MASTL: variants seen among roughly 807,000 people sequenced by gnomAD.
MASTL encodes the protein microtubule associated serine/threonine kinase like, also known as serine/threonine-protein kinase greatwall.
Under a neutral mutation model 82.5 loss-of-function variants are expected in MASTL, and 54 were observed. That is an observed-to-expected ratio of 0.65 (90% confidence interval 0.53 to 0.82). The LOEUF (loss-of-function observed/expected upper bound fraction) is 0.82. MASTL is among the 40% of genes least tolerant of loss of function. The pLI is 0.00. For synonymous variants in MASTL, 323 were observed against 368.9 expected (o/e 0.88, Z 1.43); for missense variants, 950 against 1,047.8 (o/e 0.91, Z 1.29).
chr10:27,187,673 A>T lies in MASTL; in HGVS notation c.*1137A>T, dbSNP rs1157371180. Among the ~76,000 whole-genome samples the T allele has an allele frequency of 1.3e-5, 2 of 151,370 alleles. No individual in the cohort carries two copies. The highest frequency in any genetic ancestry group is 2.9e-5 in the Non-Finnish European group (2 of 67,890). ...AGGCTGAGGCATGAGAATCGCTTGA[A>T]CCCAGGAGGTGGAGATTGCAGTGAG... is the stretch of plus-strand genomic sequence containing the variant. On this transcript the variant is annotated 3_prime_UTR_variant, in exon 12 of 12. Coordinates refer to ENST00000375940, the MANE Select transcript of MASTL (RefSeq NM_001172303.3).
chr10:27,170,833 AC>A lies in MASTL; in HGVS notation c.1877del (p.Pro626LeufsTer11). 1 of 1,614,166 alleles carries A rather than the reference AC, an allele frequency of 6.2e-7. No individual in the cohort carries two copies. Among genetic ancestry groups the A allele is most frequent in the Non-Finnish European group, 8.5e-7 (1 of 1,180,016 alleles). The stretch of plus-strand genomic sequence containing the variant: ...AAGACCTCACCAAAAGGTGTCGAGA[AC>A]CCTGCTGTACAAGAGAGTAACCAAA... The part of the protein sequence containing the change: ...QEKTSPKGVE[N>X]PAVQESNQKM... On this transcript the variant is annotated frameshift_variant, in exon 8 of 12. Transcript: ENST00000375940. LOFTEE classifies it high-confidence loss of function.
chr10:27,181,870 C>T (rs369561087), intron 11 of MASTL, among the ~76,000 whole-genome samples: 3 of 152,130 alleles, frequency 2.0e-5, no homozygotes, highest in East Asian at 3.9e-4. Context: ...ATCAGGAGAT[C>T]GAGACCATCC....
chr10:27,155,348 C>T, upstream of MASTL: 2 of 1,413,938 alleles, frequency 1.4e-6, no homozygotes, highest in East Asian at 5.0e-5. Flanking sequence ...GTGGGCGGAG[C>T]CTCACTTTGA....
At position 27,165,247 on chromosome 10, in the gene MASTL, A is replaced by G; in HGVS notation, c.660+77A>G. The G allele has an allele frequency of 4.3e-6, 6 of 1,399,006 alleles. No individual in the cohort carries two copies. In the South Asian group the frequency reaches 5.8e-5, roughly 14 times the overall value. 86.7% of individuals were successfully genotyped at this position (1,399,006 alleles called of 1,614,324 possible). A position where few individuals can be genotyped will look rare whatever the true frequency, so the allele number is the denominator to read the frequency against. ...TTAAAATTTAAAATCACCTTTAAAA[A>G]AAAAGATCAAAATAGATTTAAATAT... On this transcript the variant is annotated intron_variant, in intron 5 of 11. Coordinates refer to ENST00000375940, the MANE Select transcript of MASTL (RefSeq NM_001172303.3).
At chr10:27,173,022 T>C in intron 8 of MASTL, 96 bp from the exon 9 acceptor site, 2 of 1,437,620 alleles carry the variant, frequency 1.4e-6, no homozygotes, top group Admixed American at 3.5e-5. Flanking sequence ...CCTAGTAGCC[T>C]ATGAGCTAGT....
At position 27,158,743 on chromosome 10, in the gene MASTL, T is replaced by C. The variant is rs778680762; in HGVS notation, c.324+57T>C. 2.5e-6 allele frequency: 4 copies of C among 1,582,694 alleles called. No homozygotes were observed. In the East Asian group the frequency reaches 8.9e-5, roughly 35 times the overall value. ...TCCATTAAGCAGTCATTGAACCTAG[T>C]GATTTAAGAGAACCATGTTTTGGTT... On this transcript the variant is annotated intron_variant, in intron 2 of 11. Transcript: ENST00000375940.
chr10:27,177,075 C>T (rs879554227), intron 9 of MASTL, among the ~76,000 whole-genome samples: 2 of 151,992 alleles, frequency 1.3e-5, no homozygotes, highest in African/African-American at 4.8e-5. Context: ...GAACTCCTGA[C>T]CTTGTGATCC....
At chr10:27,164,941 G>T in intron 4 of MASTL, 123 bp from the exon 5 acceptor site, 1 of 704,560 alleles carries the variant, frequency 1.4e-6, no homozygotes. Context: ...CCCAGCCACT[G>T]TCTCCTTTTT....
chr10:27,173,929 C>T (rs1012998945), intron 9 of MASTL, among the ~76,000 whole-genome samples: 4 of 152,074 alleles, frequency 2.6e-5, no homozygotes, highest in Non-Finnish European at 5.9e-5. Flanking sequence ...GGGCTCAGGA[C>T]CACAATGTTG....
At chr10:27,166,944 CTAGA>C (rs200836296) in intron 6 of MASTL, among the ~76,000 whole-genome samples, 154 bp from the exon 7 acceptor site, 1,837 of 151,464 alleles carry the variant, frequency 0.012, 22 homozygotes, top group South Asian at 0.034. Flanking sequence ...TTCTTGTGGA[CTAGA>C]TAGTGTTTAC....
chr10:27,169,787 CT>C (rs2136061121), intron 7 of MASTL, among the ~76,000 whole-genome samples, 156 bp from the exon 8 acceptor site: 1 of 152,146 alleles, frequency 6.6e-6, no homozygotes, highest in East Asian at 1.9e-4. Flanking sequence ...GCTTACATTG[CT>C]TTTTAATTCT....
chr10:27,161,508 CA>C (rs879349066), intron 4 of MASTL, among the ~76,000 whole-genome samples: 169 of 121,942 alleles, frequency 1.4e-3, no homozygotes, highest in Middle Eastern at 4.1e-3. Flanking sequence ...AAATCTCTCT[CA>C]AAAAAAAAAA....
chr10:27,171,455 G>C (rs1057032290), intron 8 of MASTL, among the ~76,000 whole-genome samples: 1 of 142,256 alleles, frequency 7.0e-6, no homozygotes, highest in Non-Finnish European at 1.5e-5. Flanking sequence ...TTATTATTGA[G>C]ACAGTCTCGT....
intron 4 of MASTL, among the ~76,000 whole-genome samples, chr10:27,162,396 C>T (rs1051013807): frequency 4.6e-5 from 7 of 152,218 alleles, no homozygotes; most frequent in African/African-American, 1.7e-4. Flanking sequence ...GGTGCCGTGG[C>T]TCATGCCTGT....
Position 27,170,967 on chromosome 10 carries a change from C to G in MASTL, c.2008C>G (p.Pro670Ala), listed in dbSNP as rs576095068. 2.8e-5 allele frequency: 45 copies of G among 1,614,078 alleles called. 1 individual carries two copies. The South Asian group carries it at 4.0e-4, about 14-fold the overall frequency. The part of the protein sequence containing the change: ...SHINASNNSE[P>A]SRMNMTSLDA... ...TATTAATGCATCCAATAACTCAGAA[C>G]CATCCAGAATGAACATGACTTCTTT... Residue 670 changes from proline to alanine, a missense_variant, in exon 8 of 12, where the codon CCA becomes GCA. Physicochemically the swap from Pro to Ala is conservative, Grantham distance 27. Transcript: ENST00000375940.
rs2135971650 is a variant in MASTL, at chr10:27,159,807, A to T, written c.464+49A>T. 6.6e-7 allele frequency: 1 copy of T among 1,517,510 alleles called. No homozygotes were observed. Among genetic ancestry groups the T allele is most frequent in the South Asian group, 1.1e-5 (1 of 89,060 alleles). The allele number at this position is 1,517,510 out of a possible 1,614,324, so 94.0% of individuals were successfully genotyped here. On this transcript the variant is annotated intron_variant, in intron 3 of 11. Coordinates refer to ENST00000375940, the MANE Select transcript of MASTL (RefSeq NM_001172303.3). The surrounding 1 kb of genome is among the most constrained non-coding windows in gnomAD (Gnocchi z 4.0). Reference sequence around the variant, plus strand: ...ATTACTTAAAAATTCAAGTAATCAAATTACATATTTGAGTCTCAGATATTC... The same window carrying T: ...ATTACTTAAAAATTCAAGTAATCAATTTACATATTTGAGTCTCAGATATTC...
chr10:27,180,931 G>A, intron 9 of MASTL, 22 bp from the exon 10 acceptor site: 1 of 1,420,310 alleles, frequency 7.0e-7, no homozygotes. Context: ...TGCAACTTTA[G>A]CTGTTTCCTC....
Position 27,165,178 on chromosome 10 carries a change from C to T in MASTL, c.660+8C>T, listed in dbSNP as rs1470157461. The T allele has an allele frequency of 3.1e-6, 5 of 1,589,504 alleles. No homozygotes were observed. In the African/African-American group the frequency reaches 6.7e-5, roughly 21 times the overall value. ...ATCAGCTCGTTGGGATTTGTAAGTA[C>T]TTGAGAAGAAAATTAACATGACATA... is the stretch of plus-strand genomic sequence containing the variant. On this transcript the variant is annotated splice_region_variant and intron_variant, in intron 5 of 11. Transcript: ENST00000375940.
At position 27,175,870 on chromosome 10, in the gene MASTL, G is replaced by A. The variant is rs148636115; in HGVS notation, c.2266+2611G>A. Among the ~76,000 whole-genome samples the A allele has an allele frequency of 5.9e-3, 903 of 152,242 alleles. 7 individuals carry two copies. Among genetic ancestry groups the A allele is most frequent in the African/African-American group, 0.021 (856 of 41,550 alleles). ...CCAGCACTTTGGGAGGCCAAGTTGG[G>A]TAGATCACTTGAGGTCAGGAGTTCA... On this transcript the variant is annotated intron_variant, in intron 9 of 11. Coordinates refer to ENST00000375940, the MANE Select transcript of MASTL (RefSeq NM_001172303.3).
Sources: allele counts gnomAD v4.1 joint callset (sites outside exome capture counted in the v4.1 genomes callset), GRCh38; gene constraint gnomAD v4.1.1; non-coding constraint Gnocchi (gnomAD v3.1); transcripts MANE v1.5; gene names NCBI Gene and HGNC (gene_info 2026-07-23, HGNC 2026-07-21).